Variants in SH3BP4 observed in about 807,000 individuals in gnomAD.
The protein encoded by SH3BP4 is SH3 domain binding protein 4, also known as SH3 domain-binding protein 4.
A neutral mutation model predicts 65.5 loss-of-function variants in SH3BP4; 33 were observed. The observed-to-expected ratio is 0.50, with a 90% confidence interval of 0.38 to 0.67. The LOEUF is 0.67. Ranked by LOEUF, SH3BP4 falls within the 30% of genes least tolerant of loss-of-function variation. The pLI is 0.00. For missense variants in SH3BP4, 1,134 were observed against 1,261.4 expected (o/e 0.90, Z 1.53); for synonymous variants, 552 against 545.5 (o/e 1.01, Z -0.17).
In SH3BP4 at chr2:235,035,026, G is replaced by T; in HGVS notation, c.24G>T (p.Ala8=). The T allele has an allele frequency of 6.2e-7, 1 of 1,614,052 alleles. No individual in the cohort carries two copies. The highest frequency in any genetic ancestry group is 8.5e-7 in the Non-Finnish European group (1 of 1,180,002). The change falls in exon 3 of 6, where the codon GCG becomes GCT. Residue 8 remains alanine (A), a synonymous_variant. Coordinates refer to ENST00000392011, the MANE Select transcript of SH3BP4 (RefSeq NM_014521.3). This position sits in a 1 kb window ranked among gnomAD's most constrained non-coding sequence, Gnocchi z 5.0. The stretch of plus-strand genomic sequence containing the variant: ...AGATGGCGGCTCAGCGGATCCGAGC[G>T]GCCAACTCCAATGGCCTCCCTCGCT... MAAQRIR[A]ANSNGLPRCK...
chr2:235,047,401 C>T (rs1427230076), intron 4 of SH3BP4, among the ~76,000 whole-genome samples: 1 of 152,218 alleles, frequency 6.6e-6, no homozygotes, highest in Admixed American at 6.5e-5. Flanking sequence ...GCTGTGCATC[C>T]TCTGTAGACT....
chr2:235,053,157 C>A (rs1696116606), intron 5 of SH3BP4, among the ~76,000 whole-genome samples: 1 of 152,198 alleles, frequency 6.6e-6, no homozygotes, highest in African/African-American at 2.4e-5. Flanking sequence ...CGGGCTCTTG[C>A]TCAGAGGTCC....
intron 2 of SH3BP4, among the ~76,000 whole-genome samples, chr2:235,005,058 C>A (rs1415949496): frequency 6.6e-6 from 1 of 152,234 alleles, no homozygotes; most frequent in Admixed American, 6.5e-5. Flanking sequence ...GTGCCATCCG[C>A]CTGCAGATCC....
chr2:235,020,663 C>A (rs533973872), intron 2 of SH3BP4, among the ~76,000 whole-genome samples: 40 of 152,254 alleles, frequency 2.6e-4, no homozygotes, highest in Non-Finnish European at 4.1e-4. Flanking sequence ...CATTTTGAGT[C>A]CTCTTCCGAC....
intron 4 of SH3BP4, 55 bp downstream of exon 4, chr2:235,043,302 C>G (rs544662858): frequency 4.9e-6 from 7 of 1,436,356 alleles, no homozygotes; most frequent in Non-Finnish European, 5.7e-6. Flanking sequence ...CAAAGCCTTT[C>G]CGCCTTCCCA....
At chr2:235,040,824 G>A in intron 3 of SH3BP4, 64 bp from the exon 4 acceptor site, 4 of 1,427,900 alleles carry the variant, frequency 2.8e-6, no homozygotes, top group Non-Finnish European at 3.9e-6. Context: ...CTCTCCTTTG[G>A]GAAGCTCTCC....
At chr2:235,040,564 G>A (rs187570229) in intron 3 of SH3BP4, among the ~76,000 whole-genome samples, 58 of 150,896 alleles carry the variant, frequency 3.8e-4, no homozygotes, top group Admixed American at 2.7e-4. Context: ...GAATTTTAAC[G>A]TTGCCCAAAA....
intron 2 of SH3BP4, among the ~76,000 whole-genome samples, chr2:235,002,562 T>TA (rs1694161789): frequency 6.6e-6 from 1 of 151,992 alleles, no homozygotes; most frequent in South Asian, 2.1e-4. Context: ...CTGGTCTCTA[T>TA]AAAAAATACA....
rs1695845654 is a variant in SH3BP4 at position 235,045,972 on chromosome 2, C to G, written c.2478+2725C>G. ...CAAATGAGACCTGGGTTGTTCCTCT[C>G]TCCACTGCCTTTAGAACGGGGTCAG... On this transcript the variant is annotated intron_variant, in intron 4 of 5. Transcript: ENST00000392011. This position sits in a 1 kb window ranked among gnomAD's most constrained non-coding sequence, Gnocchi z 4.3. Among the ~76,000 whole-genome samples, 1 of 152,206 alleles carries G rather than the reference C, an allele frequency of 6.6e-6. No homozygotes were observed. Among genetic ancestry groups the G allele is most frequent in the Non-Finnish European group, 1.5e-5 (1 of 68,038 alleles).
At chr2:235,049,308 T>C (rs1695972111) in intron 4 of SH3BP4, among the ~76,000 whole-genome samples, 1 of 152,176 alleles carries the variant, frequency 6.6e-6, no homozygotes, top group African/African-American at 2.4e-5. Flanking sequence ...TTTTGATCAC[T>C]CGCACCAGGA....
In SH3BP4 at chr2:235,042,603, C is replaced by A. The variant is rs1695704788; in HGVS notation, c.1834C>A (p.Pro612Thr). 1.9e-6 allele frequency: 3 copies of A among 1,613,976 alleles called. No individual in the cohort carries two copies. The African/African-American group carries it at 4.0e-5, about 22-fold the overall frequency. ...GTTTTGTGTCCAGACTCCTCAGCCACCCCCTAAAAGTGCCATCAAGCCTTC... is the reference window on the plus strand; with the variant it reads ...GTTTTGTGTCCAGACTCCTCAGCCAACCCCTAAAAGTGCCATCAAGCCTTC... Reference protein sequence around the residue: ...TQFCVQTPQPPPKSAIKPSGQ... With the variant: ...TQFCVQTPQPTPKSAIKPSGQ... The change falls in exon 4 of 6, where the codon CCC becomes ACC. Residue 612 changes from proline to threonine, a missense_variant. Transcript: ENST00000392011. This position sits in a 1 kb window ranked among gnomAD's most constrained non-coding sequence, Gnocchi z 7.3.
intron 2 of SH3BP4, among the ~76,000 whole-genome samples, chr2:235,000,356 G>T (rs1043701466): frequency 2.0e-5 from 3 of 152,316 alleles, no homozygotes; most frequent in Non-Finnish European, 2.9e-5. Context: ...TGATGTGACT[G>T]GGGGGTTGCC....
chr2:234,974,482 A>G lies in SH3BP4; in HGVS notation c.-206-20821A>G, dbSNP rs1693109240. On this transcript the variant is annotated intron_variant, in intron 1 of 5. Coordinates refer to ENST00000392011, the MANE Select transcript of SH3BP4 (RefSeq NM_014521.3). The surrounding 1 kb of genome is among the most constrained non-coding windows in gnomAD (Gnocchi z 4.6). ...ATGGGCAGGATGAGTTGCTCTGTGG[A>G]CAGGCAGCCCTGGAGCTAACAGGAG... 6.6e-6 allele frequency among the ~76,000 whole-genome samples: 1 copy of G among 152,208 alleles called. No individual in the cohort carries two copies. Among genetic ancestry groups the G allele is most frequent in the Non-Finnish European group, 1.5e-5 (1 of 68,032 alleles).
chr2:234,982,226 C>T (rs1693409671), intron 1 of SH3BP4, among the ~76,000 whole-genome samples: 1 of 152,208 alleles, frequency 6.6e-6, no homozygotes, highest in Admixed American at 6.5e-5. Flanking sequence ...GGTGCCTGGG[C>T]CTCTCCCAGC....
At chr2:234,995,672 C>G (rs1693892724) in intron 2 of SH3BP4, 1 of 152,322 alleles carries the variant, frequency 6.6e-6, no homozygotes, top group Non-Finnish European at 1.5e-5. Flanking sequence ...CCCAGAACAG[C>G]CCCGTGTTTC....
chr2:235,009,091 C>G lies in SH3BP4; in HGVS notation c.-133+13715C>G, dbSNP rs188887840. Among the ~76,000 whole-genome samples the G allele has an allele frequency of 2.8e-3, 424 of 152,262 alleles. 7 individuals are homozygous for G. Among genetic ancestry groups the G allele is most frequent in the African/African-American group, 9.7e-3 (405 of 41,544 alleles). ...TGAGAGCTTAATGTTCATCACTGACCCATTGGTGAGTTTGTTGAAATAGAG... is the reference window on the plus strand; with the variant it reads ...TGAGAGCTTAATGTTCATCACTGACGCATTGGTGAGTTTGTTGAAATAGAG... On this transcript the variant is annotated intron_variant, in intron 2 of 5. Transcript: ENST00000392011.
chr2:234,995,965 T>G (rs1693903016), intron 2 of SH3BP4: 2 of 152,234 alleles, frequency 1.3e-5, no homozygotes, highest in Admixed American at 1.3e-4. Flanking sequence ...GAGGAAGAGC[T>G]GGATTAAATG....
At chr2:235,039,695 T>G (rs1334020484) in intron 3 of SH3BP4, among the ~76,000 whole-genome samples, 1 of 152,188 alleles carries the variant, frequency 6.6e-6, no homozygotes, top group Non-Finnish European at 1.5e-5. Context: ...ATATCCATTA[T>G]TTTTCAAAAC....
chr2:235,054,131 A>G lies in SH3BP4; in HGVS notation c.*315A>G, dbSNP rs1405596321. On this transcript the variant is annotated 3_prime_UTR_variant, in exon 6 of 6. Transcript: ENST00000392011. ...GTGGTATCTAATTTTTTTATGGACC[A>G]TAAAGGTTTAAAAGAAAATAGGGGC... 6.8e-6 allele frequency: 2 copies of G among 292,914 alleles called. No homozygotes were observed. Among genetic ancestry groups the G allele is most frequent in the African/African-American group, 4.2e-5 (2 of 47,524 alleles). The allele number at this position is 292,914 out of a possible 1,614,324, so 18.1% of individuals were successfully genotyped here.
Sources: gnomAD v4.1 joint callset for allele counts (sites outside exome capture counted in the v4.1 genomes callset) on GRCh38, gnomAD v4.1.1 for gene constraint, Gnocchi (gnomAD v3.1) non-coding constraint, MANE v1.5 for transcripts, NCBI Gene and HGNC (gene_info 2026-07-23, HGNC 2026-07-21) for gene names.